RARA: variants seen among roughly 807,000 people sequenced by gnomAD.
The protein encoded by RARA is retinoic acid receptor alpha.
Under a neutral mutation model 42.8 loss-of-function variants are expected in RARA, and 5 were observed. That is an observed-to-expected ratio of 0.12 (90% CI 0.06 to 0.25). The LOEUF (loss-of-function observed/expected upper bound fraction) is 0.25. Ranked by LOEUF, RARA falls within the 10% of genes least tolerant of loss-of-function variation. The probability of loss-of-function intolerance (pLI) is 1.00; values close to 1 mark genes in which losing one functional copy is unlikely to be tolerated. For missense variants in RARA, 402 were observed against 628.7 expected (o/e 0.64, Z 3.86); for synonymous variants, 256 against 259.5 (o/e 0.99, Z 0.13).
At chr17:40,330,627 A>G (rs777288528) in intron 1 of RARA, among the ~76,000 whole-genome samples, 4 of 152,066 alleles carry the variant, frequency 2.6e-5, no homozygotes, top group Non-Finnish European at 4.4e-5. Flanking sequence ...AGGCCCTCCA[A>G]GGTTCTGGGC....
chr17:40,315,122 GCT>G (rs1201647710), intron 1 of RARA, among the ~76,000 whole-genome samples: 1 of 47,992 alleles, frequency 2.1e-5, no homozygotes, highest in Non-Finnish European at 4.4e-5. Flanking sequence ...ATATATATAT[GCT>G]TATATGTGTA....
At chr17:40,311,952 G>C (rs2033103625) in intron 1 of RARA, among the ~76,000 whole-genome samples, 1 of 152,234 alleles carries the variant, frequency 6.6e-6, no homozygotes, top group Non-Finnish European at 1.5e-5. Flanking sequence ...TCTCTTTACA[G>C]AAGCCTACAT....
intron 2 of RARA, among the ~76,000 whole-genome samples, chr17:40,333,160 C>T (rs1194479652): frequency 6.6e-6 from 1 of 152,136 alleles, no homozygotes; most frequent in African/African-American, 2.4e-5. Context: ...AGCAACTCTT[C>T]CGCTTCGGCC....
At chr17:40,346,162 AC>A (rs2034259632) in intron 2 of RARA, among the ~76,000 whole-genome samples, 1 of 152,018 alleles carries the variant, frequency 6.6e-6, no homozygotes, top group South Asian at 2.1e-4. Flanking sequence ...TTCCGTAAAC[AC>A]CCTCTGTTGG....
intron 2 of RARA, among the ~76,000 whole-genome samples, chr17:40,335,704 A>G (rs2033824556): frequency 6.8e-6 from 1 of 147,392 alleles, no homozygotes; most frequent in East Asian, 2.1e-4. Context: ...AAAAAAAGAT[A>G]ATAAAATAAA....
Position 40,351,974 on chromosome 17 carries a change from C to CACGCTG in RARA, c.539_544dup (p.Leu180_Thr181dup). The CACGCTG allele has an allele frequency of 6.2e-7, 1 of 1,608,546 alleles. No homozygotes were observed. The highest frequency in any genetic ancestry group is 8.5e-7 in the Non-Finnish European group (1 of 1,178,332). ...CCAAGCCCGAGTGCTCTGAGAGCTA[C>CACGCTG]ACGCTGACGCCGGAGGTGGGGGAGC... On this transcript the variant is annotated inframe_insertion, in exon 5 of 9. Coordinates refer to ENST00000254066, the MANE Select transcript of RARA (RefSeq NM_000964.4). The surrounding 1 kb of genome is among the most constrained non-coding windows in gnomAD (Gnocchi z 4.1).
rs541323237 is a variant in RARA, at chr17:40,343,047, C to T, written c.179-5269C>T. The T allele has an allele frequency of 3.1e-6, 4 of 1,281,406 alleles. No individual in the cohort carries two copies. The South Asian group carries it at 5.4e-5, about 17-fold the overall frequency. 79.4% of individuals were successfully genotyped at this position (1,281,406 alleles called of 1,614,324 possible). ...CCCGGCCGCACCCTCCCCCCAGTAA[C>T]CCTAAGTGCAATTTGTGTTAGATTA... On this transcript the variant is annotated intron_variant, in intron 2 of 8. Transcript: ENST00000254066.
chr17:40,314,075 CT>C (rs1211682258), intron 1 of RARA, among the ~76,000 whole-genome samples: 2 of 151,918 alleles, frequency 1.3e-5, no homozygotes, highest in Non-Finnish European at 2.9e-5. Flanking sequence ...ATGACAAATA[CT>C]CTTGAACATT....
In RARA at chr17:40,346,520, C is replaced by A. The variant is rs1398656098; in HGVS notation, c.179-1796C>A. Among the ~76,000 whole-genome samples, 4 of 151,766 alleles carry A rather than the reference C, an allele frequency of 2.6e-5. No homozygotes were observed. The East Asian group carries it at 5.8e-4, about 22-fold the overall frequency. ...CCCCCTTGCCCTTGATCTCCCCTCC[C>A]CCCACCAGTCTGGATTGTCTATTGT... On this transcript the variant is annotated intron_variant, in intron 2 of 8. Transcript: ENST00000254066.
rs769542168 is a variant in RARA at position 40,342,680 on chromosome 17, G to C, written c.179-5636G>C. On this transcript the variant is annotated intron_variant, in intron 2 of 8. Coordinates refer to ENST00000254066, the MANE Select transcript of RARA (RefSeq NM_000964.4). ...GGCGGCGCGCAGGACTTCCCAGCTC[G>C]GACCTCTTGCCTTCGAGGGGAAAGA... 5 of 1,601,720 alleles carry C rather than the reference G, an allele frequency of 3.1e-6. No individual in the cohort carries two copies. In the African/African-American group the frequency reaches 5.4e-5, roughly 17 times the overall value.
Position 40,356,402 on chromosome 17 carries a change from G to T in RARA, c.*176G>T, listed in dbSNP as rs990000894. 1 of 783,150 alleles carries T rather than the reference G, an allele frequency of 1.3e-6. No homozygotes were observed. Among genetic ancestry groups the T allele is most frequent in the Admixed American group, 2.0e-5 (1 of 49,852 alleles). The allele number at this position is 783,150 out of a possible 1,614,324, so 48.5% of individuals were successfully genotyped here. ...AGCGACTCCTTGGACAGAGGCCTGG[G>T]CCCTCAGTGGACTGCCTGCTCCCAC... On this transcript the variant is annotated 3_prime_UTR_variant, in exon 9 of 9. Coordinates refer to ENST00000254066, the MANE Select transcript of RARA (RefSeq NM_000964.4).
At chr17:40,350,255 G>T (rs1053310269) in intron 4 of RARA, 4 of 323,838 alleles carry the variant, frequency 1.2e-5, no homozygotes, top group South Asian at 9.4e-5. Flanking sequence ...CTTGGTTTTG[G>T]GGTGGGGCTC....
At position 40,356,637 on chromosome 17, in the gene RARA, C is replaced by T. The variant is rs1462612582; in HGVS notation, c.*411C>T. 1.8e-6 allele frequency: 1 copy of T among 541,952 alleles called. No homozygotes were observed. Among genetic ancestry groups the T allele is most frequent in the African/African-American group, 1.8e-5 (1 of 54,318 alleles). 33.6% of individuals were successfully genotyped at this position (541,952 alleles called of 1,614,324 possible). A position where few individuals can be genotyped will look rare whatever the true frequency, so the allele number is the denominator to read the frequency against. On this transcript the variant is annotated 3_prime_UTR_variant, in exon 9 of 9. Transcript: ENST00000254066. ...CCCAGCTGGGGAACCTCAACCTCCC[C>T]CCTGCCTCGGTTGGTGACAGAGGGG...
chr17:40,330,540 G>C (rs2033664302), intron 1 of RARA, among the ~76,000 whole-genome samples: 1 of 152,114 alleles, frequency 6.6e-6, no homozygotes, highest in Non-Finnish European at 1.5e-5. Flanking sequence ...GGGGAAGGAG[G>C]GCCAGCTGCC....
At chr17:40,328,301 CTAG>C (rs984441985) in intron 1 of RARA, among the ~76,000 whole-genome samples, 2 of 152,250 alleles carry the variant, frequency 1.3e-5, no homozygotes, top group Admixed American at 1.3e-4. Context: ...AGCTTGGAAC[CTAG>C]TGTAGCCTGA....
At chr17:40,318,184 C>G (rs1030680817) in intron 1 of RARA, 8 of 152,218 alleles carry the variant, frequency 5.3e-5, no homozygotes, top group African/African-American at 1.9e-4. Flanking sequence ...GGTGGGCGGG[C>G]AGGGGCGGGC....
At chr17:40,342,085 C>G (rs2034074800) in intron 2 of RARA, 2 of 1,051,182 alleles carry the variant, frequency 1.9e-6, no homozygotes, top group Middle Eastern at 4.3e-4. Flanking sequence ...AGGGGCGGTG[C>G]CTGGACGGGG....
At position 40,356,413 on chromosome 17, in the gene RARA, A is replaced by C. The variant is rs1020019209; in HGVS notation, c.*187A>C. 162 of 753,162 alleles carry C rather than the reference A, an allele frequency of 2.2e-4. No individual in the cohort carries two copies. Among genetic ancestry groups the C allele is most frequent in the Admixed American group, 8.0e-4 (40 of 49,722 alleles). 46.7% of individuals were successfully genotyped at this position (753,162 alleles called of 1,614,324 possible). A position where few individuals can be genotyped will look rare whatever the true frequency, so the allele number is the denominator to read the frequency against. On this transcript the variant is annotated 3_prime_UTR_variant, in exon 9 of 9. Coordinates refer to ENST00000254066, the MANE Select transcript of RARA (RefSeq NM_000964.4). ...GGACAGAGGCCTGGGCCCTCAGTGG[A>C]CTGCCTGCTCCCACAGCCTGGGCTG...
At chr17:40,341,341 C>T (rs907557832) in intron 2 of RARA, 4 of 1,422,270 alleles carry the variant, frequency 2.8e-6, no homozygotes, top group Non-Finnish European at 3.7e-6. Context: ...TGTGTTTGTG[C>T]CAACAGCACC....
Sources: allele counts gnomAD v4.1 joint callset (sites outside exome capture counted in the v4.1 genomes callset), GRCh38; gene constraint gnomAD v4.1.1; non-coding constraint Gnocchi (gnomAD v3.1); transcripts MANE v1.5; gene names NCBI Gene and HGNC (gene_info 2026-07-23, HGNC 2026-07-21).